The following NTM variants were observed in gnomAD, a reference collection of about 807,000 sequenced individuals.
The protein encoded by NTM is IgLON family member 2.
In NTM, 13 loss-of-function variants were observed where a neutral mutation model predicts 42.1. That is an observed-to-expected ratio of 0.31 (90% CI 0.20 to 0.49). NTM has a LOEUF of 0.49. Among genes scored for constraint, NTM ranks in the 20% least tolerant of loss-of-function variants. The pLI, the probability that NTM is intolerant of heterozygous loss-of-function variation, is 0.99. For synonymous variants in NTM, 187 were observed against 179.2 expected (o/e 1.04, Z -0.35); for missense variants, 373 against 452.8 (o/e 0.82, Z 1.60).
At chr11:131,761,213 A>C (rs1227461570) in intron 1 of NTM, among the ~76,000 whole-genome samples, 2 of 152,132 alleles carry the variant, frequency 1.3e-5, no homozygotes, top group Non-Finnish European at 2.9e-5. Flanking sequence ...TTCTGTGTGA[A>C]CACATCCTAT....
At chr11:131,525,285 C>G (rs756607114) in intron 1 of NTM, among the ~76,000 whole-genome samples, 1 of 152,188 alleles carries the variant, frequency 6.6e-6, no homozygotes, top group Non-Finnish European at 1.5e-5. Flanking sequence ...ACCCCGGTGC[C>G]CATCACAGGG....
intron 2 of NTM, among the ~76,000 whole-genome samples, chr11:132,069,174 C>T (rs1331918374): frequency 1.5e-4 from 22 of 148,724 alleles, no homozygotes; most frequent in East Asian, 4.0e-4. Flanking sequence ...TTAGTTAACA[C>T]GTCACACAGC....
At chr11:131,614,641 CTT>C (rs549886298) in intron 1 of NTM, among the ~76,000 whole-genome samples, 8 of 152,188 alleles carry the variant, frequency 5.3e-5, no homozygotes, top group Admixed American at 4.6e-4. Context: ...CTCTGGGTGA[CTT>C]TTTCTCTGCC....
chr11:132,236,336 T>C (rs947731035), intron 4 of NTM, among the ~76,000 whole-genome samples: 5 of 152,176 alleles, frequency 3.3e-5, no homozygotes, highest in Middle Eastern at 3.2e-3. Context: ...TTTTAGTAGC[T>C]CATATCGTAT....
Position 131,467,236 on chromosome 11 carries a change from G to A in NTM, c.82+96348G>A, listed in dbSNP as rs1406584282. Among the ~76,000 whole-genome samples, 3 of 152,042 alleles carry A rather than the reference G, an allele frequency of 2.0e-5. No homozygotes were observed. In the East Asian group the frequency reaches 5.8e-4, roughly 29 times the overall value. Reference sequence around the variant, plus strand: ...GGGCCAAGAGGGGTAAGAAGGAGAGGGATCCCAGGAGGAAATGAATTGTAA... The same window carrying A: ...GGGCCAAGAGGGGTAAGAAGGAGAGAGATCCCAGGAGGAAATGAATTGTAA... On this transcript the variant is annotated intron_variant, in intron 1 of 8. Coordinates refer to ENST00000683400, the MANE Select transcript of NTM (RefSeq NM_001352005.2).
intron 1 of NTM, among the ~76,000 whole-genome samples, chr11:131,572,348 A>G (rs2057523858): frequency 6.6e-6 from 1 of 152,090 alleles, no homozygotes; most frequent in African/African-American, 2.4e-5. Context: ...ACAATTTAAG[A>G]TATTTGCCCC....
At chr11:132,023,748 G>T (rs117847170) in intron 2 of NTM, among the ~76,000 whole-genome samples, 7,130 of 103,650 alleles carry the variant, frequency 0.069, 223 homozygotes, top group Non-Finnish European at 0.11. Flanking sequence ...GTTGTTGGTG[G>T]TGGTTTTGTT....
chr11:131,551,305 ACTT>A (rs1239905930), intron 1 of NTM, among the ~76,000 whole-genome samples: 2 of 152,184 alleles, frequency 1.3e-5, no homozygotes, highest in Non-Finnish European at 2.9e-5. Context: ...CTAAAGGAAA[ACTT>A]CTCAGGTAGC....
intron 1 of NTM, among the ~76,000 whole-genome samples, chr11:131,508,894 G>A: frequency 1.4e-5 from 2 of 144,648 alleles, no homozygotes; most frequent in East Asian, 4.4e-4. Flanking sequence ...GTGGGGTTGG[G>A]GGAGGGGGGA....
rs575829248 is a variant in NTM, at chr11:131,377,093, AATG to A, written c.82+6212_82+6214del. On this transcript the variant is annotated intron_variant, in intron 1 of 8. Transcript: ENST00000683400. ...GGCACAGCCTCTGGCCTCCTGTGCA[AATG>A]ATGATGGATGGCAGGGAAGTAACCA... is the stretch of plus-strand genomic sequence containing the variant. 2.5e-3 allele frequency among the ~76,000 whole-genome samples: 387 copies of A among 152,296 alleles called. 3 individuals carry two copies. Among genetic ancestry groups the A allele is most frequent in the African/African-American group, 8.7e-3 (361 of 41,548 alleles).
chr11:131,949,142 G>A (rs529385057), intron 2 of NTM, among the ~76,000 whole-genome samples: 2 of 152,304 alleles, frequency 1.3e-5, no homozygotes, highest in South Asian at 2.1e-4. Context: ...CATCCGTGTC[G>A]TCACATATGG....
intron 1 of NTM, among the ~76,000 whole-genome samples, chr11:131,757,795 CA>C (rs1272382375): frequency 6.6e-6 from 1 of 151,888 alleles, no homozygotes; most frequent in African/African-American, 2.4e-5. Context: ...AAGAAACAAC[CA>C]GAGTAAAAGT....
At chr11:131,799,861 T>C (rs762541264) in intron 1 of NTM, among the ~76,000 whole-genome samples, 5 of 152,188 alleles carry the variant, frequency 3.3e-5, no homozygotes, top group Non-Finnish European at 5.9e-5. Context: ...GGCATCTGGG[T>C]TTGGGTGTCA....
chr11:132,196,957 TA>T (rs1331974428), intron 3 of NTM, among the ~76,000 whole-genome samples: 1 of 151,914 alleles, frequency 6.6e-6, no homozygotes, highest in Non-Finnish European at 1.5e-5. Context: ...AAAAAGAAAA[TA>T]AAAAGCATCG....
At chr11:131,962,760 G>A (rs2062363990) in intron 2 of NTM, among the ~76,000 whole-genome samples, 1 of 152,140 alleles carries the variant, frequency 6.6e-6, no homozygotes, top group African/African-American at 2.4e-5. Context: ...AGCAGCTGCA[G>A]CCTTCTTGTC....
At chr11:131,671,808 G>A (rs779352631) in intron 1 of NTM, among the ~76,000 whole-genome samples, 1 of 152,214 alleles carries the variant, frequency 6.6e-6, no homozygotes, top group African/African-American at 2.4e-5. Flanking sequence ...TGACCTGGAC[G>A]CTGGTGGAGG....
rs539490963 is a variant in NTM, at chr11:131,738,310, C to G, written c.83-173254C>G. Among the ~76,000 whole-genome samples the G allele has an allele frequency of 1.2e-3, 181 of 152,344 alleles. 1 individual carries two copies. The highest frequency in any genetic ancestry group is 1.8e-3 in the Non-Finnish European group (122 of 68,030). ...TACCCCTCATCCTATGGGTTTCACC[C>G]TGTGGAACAGGCACTACCAGGCTTC... On this transcript the variant is annotated intron_variant, in intron 1 of 8. Transcript: ENST00000683400.
intron 1 of NTM, among the ~76,000 whole-genome samples, chr11:131,822,785 A>G (rs2093246341): frequency 6.6e-6 from 1 of 152,210 alleles, no homozygotes; most frequent in African/African-American, 2.4e-5. Context: ...ACTTATGAAA[A>G]CAAAAGTGAG....
At chr11:131,798,316 T>G (rs1440686247) in intron 1 of NTM, among the ~76,000 whole-genome samples, 1 of 152,130 alleles carries the variant, frequency 6.6e-6, no homozygotes, top group Non-Finnish European at 1.5e-5. Context: ...ACTGGCACAG[T>G]GCTGCAGTTG....
Sources: allele counts gnomAD v4.1 joint callset (sites outside exome capture counted in the v4.1 genomes callset), GRCh38; gene constraint gnomAD v4.1.1; transcripts MANE v1.5; gene names NCBI Gene and HGNC (gene_info 2026-07-23, HGNC 2026-07-21).